The following CTNNBIP1 variants were observed in gnomAD, a reference collection of about 807,000 sequenced individuals.
The protein encoded by CTNNBIP1 is beta-catenin-interacting protein 1.
CTNNBIP1 carries 7 observed loss-of-function variants against 11.8 expected under a neutral mutation model. The observed-to-expected ratio is 0.60, with a 90% CI of 0.34 to 1.12. CTNNBIP1 has a LOEUF of 1.12. CTNNBIP1 is among the 50% of genes most tolerant of loss of function. The probability of loss-of-function intolerance (pLI) is 0.03; values close to 1 mark genes in which losing one functional copy is unlikely to be tolerated. For synonymous variants in CTNNBIP1, 58 were observed against 43.9 expected (o/e 1.32, Z -1.26); for missense variants, 101 against 113.4 (o/e 0.89, Z 0.50).
intron 5 of CTNNBIP1, among the ~76,000 whole-genome samples, chr1:9,862,362 C>G (rs975707336): frequency 8.5e-5 from 13 of 152,218 alleles, no homozygotes; most frequent in African/African-American, 3.1e-4. Flanking sequence ...GGATTACAGG[C>G]ATGCACCACC....
chr1:9,870,495 G>A (rs1287758042), intron 5 of CTNNBIP1, among the ~76,000 whole-genome samples: 1 of 152,210 alleles, frequency 6.6e-6, no homozygotes, highest in Non-Finnish European at 1.5e-5. Flanking sequence ...GTAACCACCT[G>A]GCTGCATGAC....
intron 1 of CTNNBIP1, among the ~76,000 whole-genome samples, chr1:9,909,704 G>T (rs1639693910): frequency 6.6e-6 from 1 of 152,146 alleles, no homozygotes; most frequent in African/African-American, 2.4e-5. Flanking sequence ...GAGGAAGGGC[G>T]GCCCAGCGTT....
At chr1:9,874,987 C>A (rs187502895) in intron 3 of CTNNBIP1, among the ~76,000 whole-genome samples, 19 of 152,286 alleles carry the variant, frequency 1.2e-4, no homozygotes, top group Admixed American at 5.9e-4. Flanking sequence ...TGCCTAAGGG[C>A]TAGTTTTCAT....
chr1:9,882,206 G>A (rs562700587), intron 2 of CTNNBIP1, among the ~76,000 whole-genome samples: 4 of 152,190 alleles, frequency 2.6e-5, no homozygotes, highest in African/African-American at 9.7e-5. Flanking sequence ...TTTGCTGGTA[G>A]AGAGAAAGGG....
intron 5 of CTNNBIP1, among the ~76,000 whole-genome samples, chr1:9,855,884 C>T (rs1234588165): frequency 2.6e-5 from 4 of 152,080 alleles, no homozygotes; most frequent in African/African-American, 9.7e-5. Context: ...CACACTGCTA[C>T]ACTCGGCTAA....
intron 5 of CTNNBIP1, among the ~76,000 whole-genome samples, chr1:9,870,199 G>A (rs1470160): frequency 0.15 from 22,346 of 152,286 alleles, 1,749 homozygotes; most frequent in South Asian, 0.2. Flanking sequence ...AAACGCAGCC[G>A]TCAGCACTCT....
At chr1:9,869,103 G>A (rs1301180723) in intron 5 of CTNNBIP1, among the ~76,000 whole-genome samples, 1 of 151,040 alleles carries the variant, frequency 6.6e-6, no homozygotes, top group Non-Finnish European at 1.5e-5. Flanking sequence ...GGGCTCAAGC[G>A]ATCCTCTCAC....
chr1:9,870,663 A>G (rs1638842028), intron 5 of CTNNBIP1, among the ~76,000 whole-genome samples: 1 of 152,192 alleles, frequency 6.6e-6, no homozygotes, highest in Non-Finnish European at 1.5e-5. Flanking sequence ...TGTTGAGGTC[A>G]CCCCAAAAAG....
At chr1:9,908,865 G>A (rs1046786092) in intron 1 of CTNNBIP1, among the ~76,000 whole-genome samples, 5 of 152,156 alleles carry the variant, frequency 3.3e-5, no homozygotes, top group Admixed American at 2.6e-4. Context: ...CATAGTAAAT[G>A]CTCACTACTG....
At chr1:9,890,865 A>C (rs1440530088) in intron 1 of CTNNBIP1, among the ~76,000 whole-genome samples, 1 of 152,162 alleles carries the variant, frequency 6.6e-6, no homozygotes, top group Non-Finnish European at 1.5e-5. Flanking sequence ...CCAAAAGGCA[A>C]ATTAATTTGC....
rs1638308029 is a variant in CTNNBIP1, at chr1:9,848,346, C to A, written c.*2372G>T. On this transcript the variant is annotated 3_prime_UTR_variant, in exon 6 of 6. Coordinates refer to ENST00000377263, the MANE Select transcript of CTNNBIP1 (RefSeq NM_020248.3). This position sits in a 1 kb window ranked among gnomAD's most constrained non-coding sequence, Gnocchi z 4.3. ...TATTTTTAGTTGAAATATGGAGCCA[C>A]AGCAACACTTTGACTTTTCCTCTTC... 6.6e-6 allele frequency: 1 copy of A among 152,220 alleles called. No homozygotes were observed. The highest frequency in any genetic ancestry group is 2.1e-4 in the South Asian group (1 of 4,830). 9.4% of individuals were successfully genotyped at this position (152,220 alleles called of 1,614,324 possible).
intron 1 of CTNNBIP1, among the ~76,000 whole-genome samples, chr1:9,900,586 A>C (rs918044255): frequency 2.6e-5 from 4 of 152,176 alleles, no homozygotes; most frequent in African/African-American, 9.7e-5. Flanking sequence ...CACAAGGCAA[A>C]CGGGCACACG....
chr1:9,890,960 C>T (rs115587930), intron 1 of CTNNBIP1, among the ~76,000 whole-genome samples: 8 of 152,194 alleles, frequency 5.3e-5, no homozygotes, highest in African/African-American at 1.9e-4. Flanking sequence ...CATGGGTCAC[C>T]TCCAGAGAGT....
At chr1:9,903,096 G>A (rs919329594) in intron 1 of CTNNBIP1, among the ~76,000 whole-genome samples, 1 of 152,102 alleles carries the variant, frequency 6.6e-6, no homozygotes, top group African/African-American at 2.4e-5. Flanking sequence ...TGCTTGCCAC[G>A]ATATTCCTAG....
chr1:9,897,061 G>C (rs556133309), intron 1 of CTNNBIP1, among the ~76,000 whole-genome samples: 4 of 152,066 alleles, frequency 2.6e-5, no homozygotes, highest in Non-Finnish European at 5.9e-5. Flanking sequence ...AGAATCGCTT[G>C]AACACGGGAG....
At chr1:9,908,104 G>T (rs931347308) in intron 1 of CTNNBIP1, among the ~76,000 whole-genome samples, 6 of 152,048 alleles carry the variant, frequency 3.9e-5, no homozygotes, top group Admixed American at 3.9e-4. Flanking sequence ...TGTTGCCCAG[G>T]CTGGAGTGCA....
chr1:9,864,391 C>G (rs575281405), intron 5 of CTNNBIP1, among the ~76,000 whole-genome samples: 1 of 152,226 alleles, frequency 6.6e-6, no homozygotes, highest in Non-Finnish European at 1.5e-5. Context: ...TGCAGTGGCG[C>G]GATCTCGGCT....
At chr1:9,865,749 C>T (rs1638731086) in intron 5 of CTNNBIP1, among the ~76,000 whole-genome samples, 1 of 152,158 alleles carries the variant, frequency 6.6e-6, no homozygotes, top group South Asian at 2.1e-4. Flanking sequence ...TACAGCTATG[C>T]AGTAGGATTC....
chr1:9,850,423 A>G lies in CTNNBIP1; in HGVS notation c.*295T>C, dbSNP rs1181909745. ...TACCGAGGCGCAAATTTTTTAAAAA[A>G]TAAGAGTCAGAAATAAAAATAAAAG... On this transcript the variant is annotated 3_prime_UTR_variant, in exon 6 of 6. Coordinates refer to ENST00000377263, the MANE Select transcript of CTNNBIP1 (RefSeq NM_020248.3). 3 of 295,574 alleles carry G rather than the reference A, an allele frequency of 1.0e-5. No homozygotes were observed. The highest frequency in any genetic ancestry group is 1.9e-5 in the Non-Finnish European group (3 of 157,904). 18.3% of individuals were successfully genotyped at this position (295,574 alleles called of 1,614,324 possible). A position where few individuals can be genotyped will look rare whatever the true frequency, so the allele number is the denominator to read the frequency against.
Sources: gnomAD v4.1 joint callset for allele counts (sites outside exome capture counted in the v4.1 genomes callset) on GRCh38, gnomAD v4.1.1 for gene constraint, Gnocchi (gnomAD v3.1) non-coding constraint, MANE v1.5 for transcripts, NCBI Gene and HGNC (gene_info 2026-07-23, HGNC 2026-07-21) for gene names.